RASAL2: variants seen among roughly 807,000 people sequenced by gnomAD.
RASAL2 encodes the protein RAS protein activator like 2.
Under a neutral mutation model 128.9 loss-of-function variants are expected in RASAL2, and 58 were observed. The observed-to-expected ratio is 0.45, with a 90% confidence interval of 0.36 to 0.56. The LOEUF (loss-of-function observed/expected upper bound fraction) is 0.56, where lower values mean the gene tolerates loss of function less well. Among genes scored for constraint, RASAL2 ranks in the 20% least tolerant of loss-of-function variants. The probability of loss-of-function intolerance (pLI) is 0.00; values close to 1 mark genes in which losing one functional copy is unlikely to be tolerated. For synonymous variants in RASAL2, 561 were observed against 580.8 expected, an observed-to-expected ratio of 0.97 and a Z score of 0.49; for missense variants, 1,360 against 1,601.6, an observed-to-expected ratio of 0.85 and a Z score of 2.57.
intron 1 of RASAL2, among the ~76,000 whole-genome samples, chr1:178,096,464 TTGTGTGTG>T (rs57531713): frequency 4.0e-4 from 60 of 148,470 alleles, no homozygotes; most frequent in African/African-American, 1.4e-3. Flanking sequence ...ATTGTATATT[TTGTGTGTG>T]TGTGTGTGTG....
chr1:178,113,588 G>A (rs527558622), intron 1 of RASAL2, among the ~76,000 whole-genome samples: 3 of 146,644 alleles, frequency 2.0e-5, no homozygotes, highest in African/African-American at 7.6e-5. Context: ...TTGCTGTATT[G>A]CCCAGGCTGG....
intron 5 of RASAL2, among the ~76,000 whole-genome samples, chr1:178,434,469 C>T (rs982846262): frequency 5.3e-5 from 8 of 152,096 alleles, no homozygotes; most frequent in South Asian, 4.1e-4. Context: ...TGACAAATAT[C>T]CTTCTTCATC....
chr1:178,259,853 T>TC lies in RASAL2; in HGVS notation c.203-23705dup, dbSNP rs376527137. 3.3e-3 allele frequency among the ~76,000 whole-genome samples: 498 copies of TC among 152,176 alleles called. 8 individuals carry two copies. Among genetic ancestry groups the TC allele is most frequent in the African/African-American group, 0.011 (461 of 41,526 alleles). ...TGCTGAGATTACGGGGATGGGTCAC[T>TC]CCCCCCTGCATGTTTTGATATCACT... is the stretch of plus-strand genomic sequence containing the variant. On this transcript the variant is annotated intron_variant, in intron 1 of 17. Coordinates refer to ENST00000367649, the MANE Select transcript of RASAL2 (RefSeq NM_170692.4).
chr1:178,439,441 C>G lies in RASAL2; in HGVS notation c.694C>G (p.Leu232Val). ...TDDRSRGLPKLKESRSHESLL... is the reference protein window; with the variant it reads ...TDDRSRGLPKVKESRSHESLL... ...TTTTAGGTCTCGTGGGCTGCCTAAACTAAAAGAGTCACGTTCCCATGAATC... is the reference window on the plus strand; with the variant it reads ...TTTTAGGTCTCGTGGGCTGCCTAAAGTAAAAGAGTCACGTTCCCATGAATC... Residue 232 changes from leucine to valine, a missense_variant, in exon 6 of 18, where the codon CTA (leucine) becomes GTA (valine). By Grantham distance (32) the Leu-to-Val change is conservative. This residue lies in a region of RASAL2 where 617 missense variants were observed against 714.2 expected (regional missense o/e 0.86). Transcript: ENST00000367649. 6.2e-7 allele frequency: 1 copy of G among 1,609,934 alleles called. No homozygotes were observed. The highest frequency in any genetic ancestry group is 8.5e-7 in the Non-Finnish European group (1 of 1,178,220).
intron 4 of RASAL2, among the ~76,000 whole-genome samples, chr1:178,395,793 T>TATATATATATATATATATA (rs879578177): frequency 1.3e-3 from 160 of 124,512 alleles, no homozygotes; most frequent in African/African-American, 4.8e-3. Flanking sequence ...ATATATATAT[T>TATATATATATATATATATA]TATTTATTCA....
At chr1:178,169,843 A>G (rs899721209) in intron 1 of RASAL2, among the ~76,000 whole-genome samples, 2 of 152,012 alleles carry the variant, frequency 1.3e-5, no homozygotes, top group South Asian at 2.1e-4. Context: ...AGCAACTTGT[A>G]AAAATTATTA....
chr1:178,454,196 T>TA (rs56786408), intron 11 of RASAL2, among the ~76,000 whole-genome samples: 17,192 of 80,170 alleles, frequency 0.21, 1,186 homozygotes, highest in Middle Eastern at 0.33. Context: ...ATCCCAGAAC[T>TA]AAAAAAAAAA....
chr1:178,153,398 A>G (rs1330747230), intron 1 of RASAL2, among the ~76,000 whole-genome samples: 1 of 152,240 alleles, frequency 6.6e-6, no homozygotes, highest in East Asian at 1.9e-4. Context: ...TACAACTATT[A>G]CAGCAATCTA....
chr1:178,140,496 T>C (rs1240468133), intron 1 of RASAL2, among the ~76,000 whole-genome samples: 1 of 152,190 alleles, frequency 6.6e-6, no homozygotes, highest in Non-Finnish European at 1.5e-5. Flanking sequence ...TTCCTCCCCC[T>C]GAAACTCTGT....
At chr1:178,199,071 G>A (rs1662774038) in intron 1 of RASAL2, among the ~76,000 whole-genome samples, 1 of 152,234 alleles carries the variant, frequency 6.6e-6, no homozygotes, top group African/African-American at 2.4e-5. Flanking sequence ...TCTGGGACTA[G>A]CAGTGAACAA....
At chr1:178,428,124 TG>T (rs1675645207) in intron 5 of RASAL2, among the ~76,000 whole-genome samples, 1 of 152,066 alleles carries the variant, frequency 6.6e-6, no homozygotes, top group Admixed American at 6.6e-5. Flanking sequence ...TTTCTTCGGT[TG>T]CTGAGTAGTA....
chr1:178,166,609 T>C (rs561694249), intron 1 of RASAL2, among the ~76,000 whole-genome samples: 28 of 152,220 alleles, frequency 1.8e-4, no homozygotes, highest in Middle Eastern at 6.8e-3. Flanking sequence ...TTCTAATAAG[T>C]AGTGTCACCA....
intron 3 of RASAL2, among the ~76,000 whole-genome samples, chr1:178,339,416 T>G (rs912358367): frequency 3.3e-5 from 5 of 152,194 alleles, no homozygotes; most frequent in Non-Finnish European, 7.3e-5. Flanking sequence ...TTGTAATCTT[T>G]TCCTGCAGCA....
At chr1:178,200,215 A>C (rs1255952781) in intron 1 of RASAL2, among the ~76,000 whole-genome samples, 2 of 152,186 alleles carry the variant, frequency 1.3e-5, no homozygotes, top group African/African-American at 4.8e-5. Context: ...TTAAGGATGG[A>C]GTTCTTTTGT....
intron 1 of RASAL2, among the ~76,000 whole-genome samples, chr1:178,247,818 C>T (rs1664844211): frequency 6.6e-6 from 1 of 152,140 alleles, no homozygotes; most frequent in South Asian, 2.1e-4. Context: ...ACCTTAATTT[C>T]GTTATTTACG....
intron 1 of RASAL2, among the ~76,000 whole-genome samples, chr1:178,243,902 A>G (rs1286823685): frequency 1.3e-5 from 2 of 152,138 alleles, no homozygotes; most frequent in Non-Finnish European, 2.9e-5. Context: ...CTTTTTCTTA[A>G]TCTTTTGTTA....
chr1:178,401,257 A>C (rs1673609456), intron 4 of RASAL2, among the ~76,000 whole-genome samples: 1 of 152,200 alleles, frequency 6.6e-6, no homozygotes, highest in Admixed American at 6.5e-5. Flanking sequence ...ATTAGTTGGT[A>C]GTTTTTAATT....
intron 9 of RASAL2, among the ~76,000 whole-genome samples, 164 bp from the exon 10 acceptor site, chr1:178,451,407 G>T (rs1194504374): frequency 6.6e-6 from 1 of 152,124 alleles, no homozygotes; most frequent in African/African-American, 2.4e-5. Flanking sequence ...GCAACTCTTG[G>T]GTTCCAAAGC....
chr1:178,176,790 C>G (rs1232930632), intron 1 of RASAL2, among the ~76,000 whole-genome samples: 2 of 151,938 alleles, frequency 1.3e-5, no homozygotes, highest in Non-Finnish European at 2.9e-5. Context: ...AGACTACAGG[C>G]GTGTGCCACC....
Sources: gnomAD v4.1 joint callset for allele counts (sites outside exome capture counted in the v4.1 genomes callset) on GRCh38, gnomAD v4.1.1 for gene constraint, gnomAD v4.1.1 regional missense constraint, MANE v1.5 for transcripts, NCBI Gene and HGNC (gene_info 2026-07-23, HGNC 2026-07-21) for gene names.